The following RTN4R variants were observed in gnomAD, a reference collection of about 807,000 sequenced individuals.
RTN4R encodes reticulon 4 receptor.
RTN4R carries 4 observed loss-of-function variants against 27.7 expected under a neutral mutation model. That is an observed-to-expected ratio of 0.14 (90% CI 0.07 to 0.33). The LOEUF is 0.33. Ranked by LOEUF, RTN4R falls within the 10% of genes least tolerant of loss-of-function variation. The pLI, the probability that RTN4R is intolerant of heterozygous loss-of-function variation, is 1.00. For missense variants in RTN4R, 554 were observed against 671.5 expected (o/e 0.83, Z 1.93); for synonymous variants, 290 against 305.6 (o/e 0.95, Z 0.53).
At chr22:20,245,053 G>A (rs1304733351) in intron 1 of RTN4R, among the ~76,000 whole-genome samples, 1 of 152,202 alleles carries the variant, frequency 6.6e-6, no homozygotes, top group South Asian at 2.1e-4. Flanking sequence ...GCCTTGAACC[G>A]AGCCCTGTGC....
chr22:20,264,365 G>C (rs1226754141), intron 1 of RTN4R, among the ~76,000 whole-genome samples: 1 of 152,226 alleles, frequency 6.6e-6, no homozygotes, highest in Non-Finnish European at 1.5e-5. Flanking sequence ...CACCTGGTGT[G>C]GGGGAGCCCA....
chr22:20,243,611 AG>A, intron 1 of RTN4R: 1 of 433,120 alleles, frequency 2.3e-6, no homozygotes, highest in South Asian at 1.7e-5. Flanking sequence ...GCGGGGGTGG[AG>A]GGCAAGTGTG....
intron 1 of RTN4R, among the ~76,000 whole-genome samples, chr22:20,248,320 GA>G (rs2051154404): frequency 6.6e-6 from 1 of 152,112 alleles, no homozygotes; most frequent in Non-Finnish European, 1.5e-5. Flanking sequence ...CCAGGGGTGC[GA>G]AAAGGTCTTG....
intron 1 of RTN4R, among the ~76,000 whole-genome samples, chr22:20,251,625 C>T (rs943331149): frequency 3.2e-5 from 4 of 124,488 alleles, no homozygotes; most frequent in Non-Finnish European, 7.0e-5. Flanking sequence ...TCACTATCAC[C>T]ACCATCATCT....
chr22:20,249,942 C>A (rs1244730662), intron 1 of RTN4R, among the ~76,000 whole-genome samples: 1 of 152,220 alleles, frequency 6.6e-6, no homozygotes, highest in African/African-American at 2.4e-5. Flanking sequence ...CCCATTGGAG[C>A]CATCCCAGGG....
intron 1 of RTN4R, among the ~76,000 whole-genome samples, chr22:20,264,770 A>G (rs932296056): frequency 1.3e-5 from 2 of 152,190 alleles, no homozygotes; most frequent in African/African-American, 4.8e-5. Flanking sequence ...CAGCTCCCGC[A>G]GACCCTGAGG....
intron 1 of RTN4R, among the ~76,000 whole-genome samples, chr22:20,258,982 G>T (rs935916526): frequency 6.6e-5 from 10 of 152,026 alleles, no homozygotes; most frequent in Non-Finnish European, 1.3e-4. Context: ...AAGGCTGGGG[G>T]TCAAGTGTGC....
rs866422057 is a variant in RTN4R at position 20,241,637 on chromosome 22, G to T, written c.*74C>A. 6.6e-7 allele frequency: 1 copy of T among 1,522,254 alleles called. No individual in the cohort carries two copies. The highest frequency in any genetic ancestry group is 1.4e-5 in the African/African-American group (1 of 72,550). 94.3% of individuals were successfully genotyped at this position (1,522,254 alleles called of 1,614,324 possible). ...GCCCCACGGGTCGGCCGCCCGGCTGGCTTGGCGGCGTGGAGAGAGACCCCG... is the reference window on the plus strand; with the variant it reads ...GCCCCACGGGTCGGCCGCCCGGCTGTCTTGGCGGCGTGGAGAGAGACCCCG... On this transcript the variant is annotated 3_prime_UTR_variant, in exon 2 of 2. Coordinates refer to ENST00000043402, the MANE Select transcript of RTN4R (RefSeq NM_023004.6).
In RTN4R at chr22:20,241,479, T is replaced by G; in HGVS notation, c.*232A>C. On this transcript the variant is annotated 3_prime_UTR_variant, in exon 2 of 2. Transcript: ENST00000043402. ...TTACACAAGTAAAATAAAATGCATA[T>G]CTCTATATACCGCGATCTGGGTGGG... is the stretch of plus-strand genomic sequence containing the variant. The G allele has an allele frequency of 1.7e-6, 1 of 583,996 alleles. No individual in the cohort carries two copies. The highest frequency in any genetic ancestry group is 2.8e-5 in the East Asian group (1 of 35,136). The allele number at this position is 583,996 out of a possible 1,614,324, so 36.2% of individuals were successfully genotyped here. A position where few individuals can be genotyped will look rare whatever the true frequency, so the allele number is the denominator to read the frequency against.
chr22:20,249,340 TG>T (rs1251565272), intron 1 of RTN4R: 1 of 437,104 alleles, frequency 2.3e-6, no homozygotes, highest in East Asian at 6.8e-5. Flanking sequence ...GCCCGCTACC[TG>T]GTGCCTAGCC....
intron 1 of RTN4R, among the ~76,000 whole-genome samples, chr22:20,252,465 C>T (rs1177557028): frequency 6.6e-6 from 1 of 152,206 alleles, no homozygotes; most frequent in Non-Finnish European, 1.5e-5. Flanking sequence ...CTGCATCCTC[C>T]CATTGTACGG....
chr22:20,257,135 C>G (rs1022217075), intron 1 of RTN4R, among the ~76,000 whole-genome samples: 199 of 152,376 alleles, frequency 1.3e-3, no homozygotes, highest in African/African-American at 4.6e-3. Flanking sequence ...ATAGAGACAG[C>G]ATTCCCCAGG....
intron 1 of RTN4R, chr22:20,243,508 G>T (rs2051122259): frequency 2.0e-6 from 1 of 497,262 alleles, no homozygotes; most frequent in Non-Finnish European, 4.1e-6. Context: ...GTCCCAGTGG[G>T]GGTTCCACCC....
intron 1 of RTN4R, among the ~76,000 whole-genome samples, chr22:20,244,727 G>C (rs2051129947): frequency 6.6e-6 from 1 of 152,188 alleles, no homozygotes; most frequent in Non-Finnish European, 1.5e-5. Context: ...TGTCACCAGA[G>C]GGAAAACTGT....
chr22:20,243,199 T>C (rs2051119924), intron 1 of RTN4R, 89 bp from the exon 2 acceptor site: 2 of 1,378,664 alleles, frequency 1.5e-6, no homozygotes, highest in South Asian at 2.5e-5. Context: ...GCCCCGGAGA[T>C]TGGGTCTCAG....
intron 1 of RTN4R, among the ~76,000 whole-genome samples, chr22:20,256,927 A>C (rs2051215298): frequency 1.3e-5 from 2 of 152,214 alleles, no homozygotes; most frequent in Non-Finnish European, 2.9e-5. Context: ...GCCCACTGCC[A>C]GGGTGCCCAT....
At chr22:20,248,846 C>A (rs1228782878) in intron 1 of RTN4R, among the ~76,000 whole-genome samples, 1 of 152,188 alleles carries the variant, frequency 6.6e-6, no homozygotes, top group Non-Finnish European at 1.5e-5. Flanking sequence ...GGCCTAGCAC[C>A]TAGGCCTCGA....
chr22:20,258,895 G>C (rs2051228142), intron 1 of RTN4R, among the ~76,000 whole-genome samples: 1 of 152,182 alleles, frequency 6.6e-6, no homozygotes, highest in African/African-American at 2.4e-5. Context: ...TGGGGCGTGG[G>C]GGTGGTCCTG....
intron 1 of RTN4R, among the ~76,000 whole-genome samples, chr22:20,249,813 C>T (rs1473196853): frequency 6.6e-6 from 1 of 152,236 alleles, no homozygotes; most frequent in Non-Finnish European, 1.5e-5. Flanking sequence ...CGAGCGGCCT[C>T]TGTCCGAGCA....
Sources: gnomAD v4.1 joint callset for allele counts (sites outside exome capture counted in the v4.1 genomes callset) on GRCh38, gnomAD v4.1.1 for gene constraint, MANE v1.5 for transcripts, NCBI Gene and HGNC (gene_info 2026-07-23, HGNC 2026-07-21) for gene names.